NPEPPS: variants seen among roughly 807,000 people sequenced by gnomAD.
NPEPPS encodes the protein aminopeptidase puromycin sensitive.
NPEPPS carries 14 observed loss-of-function variants against 115.5 expected under a neutral mutation model. The observed-to-expected ratio is 0.12, with a 90% CI of 0.08 to 0.19. The LOEUF is 0.19. Among genes scored for constraint, NPEPPS ranks in the 10% least tolerant of loss-of-function variants. The pLI, the probability that NPEPPS is intolerant of heterozygous loss-of-function variation, is 1.00. For synonymous variants in NPEPPS, 285 were observed against 390.6 expected (o/e 0.73, Z 3.19); for missense variants, 523 against 1,110.8 (o/e 0.47, Z 7.52).
intron 2 of NPEPPS, among the ~76,000 whole-genome samples, chr17:47,547,748 C>T (rs1442807263): frequency 2.6e-5 from 4 of 152,074 alleles, no homozygotes; most frequent in African/African-American, 7.2e-5. Context: ...AATTTACGGC[C>T]GGGCGCGGTG....
At chr17:47,613,571 T>G in intron 18 of NPEPPS, 98 bp from the exon 19 acceptor site, 4 of 1,066,334 alleles carry the variant, frequency 3.8e-6, no homozygotes, top group Non-Finnish European at 5.7e-6. Context: ...CCGGCCAACA[T>G]TTACAATATT....
intron 2 of NPEPPS, among the ~76,000 whole-genome samples, chr17:47,563,554 G>A (rs1910587441): frequency 6.6e-6 from 1 of 152,004 alleles, no homozygotes; most frequent in African/African-American, 2.4e-5. Context: ...ACTGTAAGGT[G>A]TGTTATGATC....
Position 47,585,480 on chromosome 17 carries a change from C to A in NPEPPS, c.649-20C>A. On this transcript the variant is annotated intron_variant, in intron 5 of 22. Coordinates refer to ENST00000322157, the MANE Select transcript of NPEPPS (RefSeq NM_006310.4). ...TTAATGTAAACCTATTTAAATTTTTCTTTTTTTTATTTCTTAAAGAATGTA... is the reference window on the plus strand; with the variant it reads ...TTAATGTAAACCTATTTAAATTTTTATTTTTTTTATTTCTTAAAGAATGTA... The A allele has an allele frequency of 6.3e-7, 1 of 1,585,742 alleles. No individual in the cohort carries two copies. Among genetic ancestry groups the A allele is most frequent in the Non-Finnish European group, 8.7e-7 (1 of 1,155,612 alleles).
chr17:47,549,651 G>T (rs1372278473), intron 2 of NPEPPS, among the ~76,000 whole-genome samples: 2 of 151,330 alleles, frequency 1.3e-5, no homozygotes, highest in Non-Finnish European at 2.9e-5. Context: ...GTGGTGGCAG[G>T]CACCTGTAAT....
chr17:47,608,453 CAA>C lies in NPEPPS; in HGVS notation c.2095+2921_2095+2922del, dbSNP rs36062497. 8.3e-3 allele frequency among the ~76,000 whole-genome samples: 655 copies of C among 79,138 alleles called. 1 individual carries two copies. Among genetic ancestry groups the C allele is most frequent in the African/African-American group, 0.027 (513 of 19,070 alleles). 51.9% of individuals were successfully genotyped at this position (79,138 alleles called of 152,430 possible). The stretch of plus-strand genomic sequence containing the variant: ...TGGGCAACAGAGCGGGACTCCGTCT[CAA>C]AAAAAAAAAAAAAAAAAAAGTGAGG... On this transcript the variant is annotated intron_variant, in intron 17 of 22. Coordinates refer to ENST00000322157, the MANE Select transcript of NPEPPS (RefSeq NM_006310.4).
chr17:47,538,191 C>A (rs1908456512), intron 1 of NPEPPS, among the ~76,000 whole-genome samples: 1 of 105,476 alleles, frequency 9.5e-6, no homozygotes, highest in Middle Eastern at 0.011. Flanking sequence ...CCGCGCCTAG[C>A]CATATCTGTT....
In NPEPPS at chr17:47,605,355, C is replaced by T. The variant is rs1218606403; in HGVS notation, c.1898C>T (p.Thr633Ile). The change falls in exon 17 of 23, where the codon ACT becomes ATT. Residue 633 changes from threonine to isoleucine, a missense_variant. By Grantham distance (89) the Thr-to-Ile change is moderately conservative. Transcript: ENST00000322157. Reference protein sequence around the residue: ...FSLARAGIISTVEVLKVMEAF... With the variant: ...FSLARAGIISIVEVLKVMEAF... ...CAGGCTCGAGCTGGAATCATTAGCACTGTAGAGGTTCTAAAAGTCATGGAG... is the reference window on the plus strand; with the variant it reads ...CAGGCTCGAGCTGGAATCATTAGCATTGTAGAGGTTCTAAAAGTCATGGAG... 1.9e-6 allele frequency: 3 copies of T among 1,609,730 alleles called. No homozygotes were observed. The highest frequency in any genetic ancestry group is 8.5e-7 in the Non-Finnish European group (1 of 1,177,936).
intron 5 of NPEPPS, 125 bp from the exon 6 acceptor site, chr17:47,585,375 A>T (rs1272654409): frequency 4.6e-6 from 3 of 658,840 alleles, no homozygotes; most frequent in Non-Finnish European, 7.9e-6. Context: ...TGGGGTAGAG[A>T]AATAAGCCAT....
At chr17:47,550,898 A>G (rs1909601855) in intron 2 of NPEPPS, among the ~76,000 whole-genome samples, 1 of 152,108 alleles carries the variant, frequency 6.6e-6, no homozygotes, top group African/African-American at 2.4e-5. Context: ...AAGTGCTGGG[A>G]TTACCAGGCA....
intron 1 of NPEPPS, among the ~76,000 whole-genome samples, chr17:47,523,565 C>G (rs1451526840): frequency 6.6e-6 from 1 of 151,978 alleles, no homozygotes; most frequent in Admixed American, 6.6e-5. Context: ...TGATTACAGG[C>G]ACCCGCCACC....
At chr17:47,564,341 C>G (rs975302951) in intron 2 of NPEPPS, among the ~76,000 whole-genome samples, 1 of 151,930 alleles carries the variant, frequency 6.6e-6, no homozygotes. Context: ...TGAGACCAGC[C>G]TGGACAACAT....
intron 3 of NPEPPS, among the ~76,000 whole-genome samples, chr17:47,576,061 A>G (rs1486161000): frequency 6.6e-6 from 1 of 152,220 alleles, no homozygotes; most frequent in African/African-American, 2.4e-5. Flanking sequence ...TTAGGAGGAC[A>G]TTAATAATCT....
intron 2 of NPEPPS, among the ~76,000 whole-genome samples, chr17:47,549,961 G>A (rs1190481554): frequency 6.7e-6 from 1 of 148,230 alleles, no homozygotes; most frequent in African/African-American, 2.5e-5. Context: ...TTGAGATGGA[G>A]TCTCGCTCTG....
At chr17:47,539,836 A>T (rs1045495485) in intron 1 of NPEPPS, among the ~76,000 whole-genome samples, 33 of 152,128 alleles carry the variant, frequency 2.2e-4, no homozygotes, top group African/African-American at 7.5e-4. Flanking sequence ...GTCTTTAGCT[A>T]TTATAGAACT....
intron 9 of NPEPPS, 141 bp from the exon 10 acceptor site, chr17:47,590,576 C>A (rs1912440823): frequency 8.8e-7 from 1 of 1,141,552 alleles, no homozygotes; most frequent in African/African-American, 1.5e-5. Flanking sequence ...AATGTGAGTT[C>A]TTTGCCAAAT....
intron 1 of NPEPPS, among the ~76,000 whole-genome samples, chr17:47,544,849 A>G (rs1031928881): frequency 4.9e-5 from 7 of 144,278 alleles, no homozygotes; most frequent in Non-Finnish European, 7.5e-5. Context: ...AGTAGCTGGG[A>G]TTACAGGTGT....
At position 47,532,088 on chromosome 17, in the gene NPEPPS, G is replaced by T. The variant is rs73985167; in HGVS notation, c.255+533G>T. ...GAGCGACGAGGGGAGCTTCTAGAAGGGGGGGGAGAGGGTGAGAACGAGAAT... is the reference window on the plus strand; with the variant it reads ...GAGCGACGAGGGGAGCTTCTAGAAGTGGGGGGAGAGGGTGAGAACGAGAAT... On this transcript the variant is annotated intron_variant, in intron 1 of 22. Coordinates refer to ENST00000322157, the MANE Select transcript of NPEPPS (RefSeq NM_006310.4). 7.7e-3 allele frequency among the ~76,000 whole-genome samples: 1,165 copies of T among 152,088 alleles called. 17 individuals carry two copies. The highest frequency in any genetic ancestry group is 0.026 in the African/African-American group (1,094 of 41,478).
At chr17:47,572,886 C>T (rs1429911739) in intron 3 of NPEPPS, among the ~76,000 whole-genome samples, 14 of 152,180 alleles carry the variant, frequency 9.2e-5, no homozygotes, top group Non-Finnish European at 1.2e-4. Context: ...AGTGATTCTC[C>T]TGCCTCAGCC....
intron 1 of NPEPPS, among the ~76,000 whole-genome samples, chr17:47,534,377 C>T (rs1171966407): frequency 2.0e-5 from 3 of 152,064 alleles, no homozygotes; most frequent in Admixed American, 6.6e-5. Context: ...CTGTGCCCGG[C>T]GACAAAATTC....
Sources: gnomAD v4.1 joint callset for allele counts (sites outside exome capture counted in the v4.1 genomes callset) on GRCh38, gnomAD v4.1.1 for gene constraint, MANE v1.5 for transcripts, NCBI Gene and HGNC (gene_info 2026-07-23, HGNC 2026-07-21) for gene names.